Variants in SEZ6L observed in about 807,000 individuals in gnomAD.
SEZ6L encodes the protein seizure related 6 homolog like, also known as seizure 6-like protein.
SEZ6L carries 37 observed loss-of-function variants against 106.2 expected under a neutral mutation model. The ratio of observed to expected loss-of-function variants is 0.35; its 90% CI spans 0.27 to 0.46. The LOEUF (loss-of-function observed/expected upper bound fraction) is 0.46, where lower values mean the gene tolerates loss of function less well. SEZ6L is among the 20% of genes least tolerant of loss of function. The probability of loss-of-function intolerance (pLI) is 1.00; values close to 1 mark genes in which losing one functional copy is unlikely to be tolerated. For missense variants in SEZ6L, 1,172 were observed against 1,332.8 expected, an observed-to-expected ratio of 0.88 and a Z score of 1.88; for synonymous variants, 541 against 570.4, an observed-to-expected ratio of 0.95 and a Z score of 0.73.
At chr22:26,284,832 A>G (rs2080885838) in intron 1 of SEZ6L, among the ~76,000 whole-genome samples, 1 of 152,132 alleles carries the variant, frequency 6.6e-6, no homozygotes, top group African/African-American at 2.4e-5. Flanking sequence ...CAGGAAACAA[A>G]GTCAGAAAGT....
chr22:26,281,161 T>C (rs1234546436), intron 1 of SEZ6L, among the ~76,000 whole-genome samples: 1 of 152,130 alleles, frequency 6.6e-6, no homozygotes, highest in Non-Finnish European at 1.5e-5. Flanking sequence ...AATTAATGGA[T>C]TAATGGATTA....
chr22:26,320,754 T>C (rs951214986), intron 9 of SEZ6L, among the ~76,000 whole-genome samples: 9 of 152,126 alleles, frequency 5.9e-5, no homozygotes, highest in Non-Finnish European at 1.2e-4. Flanking sequence ...CAGTAAAGTC[T>C]AAGTCAGTTT....
At chr22:26,205,620 C>G (rs2145687859) in intron 1 of SEZ6L, among the ~76,000 whole-genome samples, 1 of 152,088 alleles carries the variant, frequency 6.6e-6, no homozygotes, top group South Asian at 2.1e-4. Context: ...GATTCTCCAT[C>G]TTAACCTCTC....
chr22:26,274,224 A>G (rs1433053257), intron 1 of SEZ6L, among the ~76,000 whole-genome samples: 2 of 152,208 alleles, frequency 1.3e-5, no homozygotes, highest in Non-Finnish European at 2.9e-5. Context: ...TACCTCCCAG[A>G]GATGTTGAGA....
At chr22:26,211,797 T>A in intron 1 of SEZ6L, among the ~76,000 whole-genome samples, 1 of 91,808 alleles carries the variant, frequency 1.1e-5, no homozygotes, top group Non-Finnish European at 1.9e-5. Flanking sequence ...TAGCCAGACC[T>A]CGTCTCTAAA....
intron 1 of SEZ6L, among the ~76,000 whole-genome samples, chr22:26,259,471 C>T (rs957716289): frequency 1.3e-5 from 2 of 152,048 alleles, no homozygotes; most frequent in Non-Finnish European, 2.9e-5. Flanking sequence ...CTCAGCCTAC[C>T]AAGAAAAAGC....
intron 1 of SEZ6L, among the ~76,000 whole-genome samples, chr22:26,270,616 C>A (rs1394327898): frequency 6.6e-6 from 1 of 152,008 alleles, no homozygotes; most frequent in Non-Finnish European, 1.5e-5. Context: ...GGGAGAGGAC[C>A]CTTAGAGATT....
At chr22:26,312,455 C>A (rs1364487056) in intron 8 of SEZ6L, among the ~76,000 whole-genome samples, 2 of 152,086 alleles carry the variant, frequency 1.3e-5, no homozygotes, top group African/African-American at 4.8e-5. Context: ...TGTGAAGTGA[C>A]CTGCCTAAGA....
At chr22:26,198,674 T>G (rs1940740747) in intron 1 of SEZ6L, among the ~76,000 whole-genome samples, 1 of 152,252 alleles carries the variant, frequency 6.6e-6, no homozygotes, top group South Asian at 2.1e-4. Context: ...GGATGAACAC[T>G]GTGGCCTCAC....
intron 5 of SEZ6L, among the ~76,000 whole-genome samples, chr22:26,301,294 G>A (rs967359383): frequency 3.3e-5 from 5 of 152,218 alleles, no homozygotes; most frequent in East Asian, 1.9e-4. Context: ...CCTGTTGGGC[G>A]TTGTTTGTCA....
At chr22:26,219,270 T>TTTTTC (rs2078390640) in intron 1 of SEZ6L, among the ~76,000 whole-genome samples, 3 of 150,608 alleles carry the variant, frequency 2.0e-5, no homozygotes, top group Non-Finnish European at 3.0e-5. Flanking sequence ...TTTTTTTTTT[T>TTTTTC]CGCTCCTGGC....
intron 1 of SEZ6L, among the ~76,000 whole-genome samples, chr22:26,193,162 AC>A (rs1405018315): frequency 6.6e-6 from 1 of 152,228 alleles, no homozygotes; most frequent in Admixed American, 6.5e-5. Context: ...AAGGCAAATT[AC>A]TTTTACAACA....
At chr22:26,310,599 A>T (rs1569457101) in intron 6 of SEZ6L, 71 bp from the exon 7 acceptor site, 3 of 1,547,192 alleles carry the variant, frequency 1.9e-6, no homozygotes, top group Non-Finnish European at 2.7e-6. Context: ...GTCGTAGCAC[A>T]TCCCTTCCTC....
At chr22:26,315,266 G>T (rs2081965543) in intron 9 of SEZ6L, among the ~76,000 whole-genome samples, 1 of 152,136 alleles carries the variant, frequency 6.6e-6, no homozygotes, top group South Asian at 2.1e-4. Context: ...GATTGCTTGA[G>T]ACCAGGAGTT....
rs1158551523 is a variant in SEZ6L, at chr22:26,365,376, G to T, written c.2604G>T (p.Glu868Asp). ...WTSRLPHCVS[E>D]ESLACDNPGL... is the part of the protein sequence containing the mutation. ...TCCTTCTGGCTTGCATTTCAGCGGA[G>T]GAGTCCCTGGCATGTGACAACCCAG... Residue 868 changes from glutamate to aspartate, a missense_variant, in exon 13 of 17, where the codon GAG (glutamate) becomes GAT (aspartate). Glu to Asp is a conservative substitution (Grantham distance 45). This residue lies in a region of SEZ6L where 534 missense variants were observed against 691.0 expected (regional missense o/e 0.77). Coordinates refer to ENST00000248933, the MANE Select transcript of SEZ6L (RefSeq NM_021115.5). The T allele has an allele frequency of 6.2e-7, 1 of 1,602,018 alleles. No individual in the cohort carries two copies. The highest frequency in any genetic ancestry group is 8.5e-7 in the Non-Finnish European group (1 of 1,169,908).
chr22:26,302,869 A>G (rs2081499241), intron 5 of SEZ6L, among the ~76,000 whole-genome samples: 1 of 152,228 alleles, frequency 6.6e-6, no homozygotes, highest in African/African-American at 2.4e-5. Context: ...AACGATCAGC[A>G]GCTTGGGAGG....
chr22:26,379,840 A>T (rs2084356496), intron 16 of SEZ6L, among the ~76,000 whole-genome samples: 1 of 152,226 alleles, frequency 6.6e-6, no homozygotes, highest in Non-Finnish European at 1.5e-5. Context: ...AGTAACAAAG[A>T]TCTCTGAACT....
At chr22:26,215,505 TTTGTTTCCAAAAGAA>T (rs1463518022) in intron 1 of SEZ6L, among the ~76,000 whole-genome samples, 1 of 152,114 alleles carries the variant, frequency 6.6e-6, no homozygotes, top group Non-Finnish European at 1.5e-5. Flanking sequence ...GGCGATTCGT[TTTGTTTCCAAAAGAA>T]AACAGATCCC....
chr22:26,344,294 T>C (rs1291693038), intron 10 of SEZ6L, among the ~76,000 whole-genome samples: 4 of 152,210 alleles, frequency 2.6e-5, no homozygotes, highest in Non-Finnish European at 4.4e-5. Flanking sequence ...ATTCACTGTT[T>C]CCTGTTCTTT....
Sources: gnomAD v4.1 joint callset for allele counts (sites outside exome capture counted in the v4.1 genomes callset) on GRCh38, gnomAD v4.1.1 for gene constraint, gnomAD v4.1.1 regional missense constraint, MANE v1.5 for transcripts, NCBI Gene and HGNC (gene_info 2026-07-23, HGNC 2026-07-21) for gene names.